Variants in OPCML observed in about 807,000 individuals in gnomAD.
The protein encoded by OPCML is opioid-binding protein/cell adhesion molecule.
In OPCML, 13 loss-of-function variants were observed where a neutral mutation model predicts 37.8. The ratio of observed to expected loss-of-function variants is 0.34; its 90% confidence interval spans 0.22 to 0.55. The LOEUF (loss-of-function observed/expected upper bound fraction) is 0.55. OPCML is among the 20% of genes least tolerant of loss of function. The probability of loss-of-function intolerance (pLI) is 0.91; values close to 1 mark genes in which losing one functional copy is unlikely to be tolerated. For synonymous variants in OPCML, 176 were observed against 168.8 expected (o/e 1.04, Z -0.33); for missense variants, 341 against 435.6 (o/e 0.78, Z 1.93).
At chr11:132,524,293 C>A (rs534367037) in intron 4 of OPCML, among the ~76,000 whole-genome samples, 1 of 152,152 alleles carries the variant, frequency 6.6e-6, no homozygotes, top group Non-Finnish European at 1.5e-5. Context: ...TTCCAATACA[C>A]CTTGCTTGCT....
At chr11:133,420,279 G>A (rs1945860234) in intron 1 of OPCML, 1 of 985,146 alleles carries the variant, frequency 1.0e-6, no homozygotes, top group Non-Finnish European at 1.2e-6. Flanking sequence ...AGATACTCCT[G>A]AACGTCTTTG....
intron 1 of OPCML, among the ~76,000 whole-genome samples, chr11:132,974,456 C>T (rs1265402828): frequency 1.3e-5 from 2 of 152,142 alleles, no homozygotes; most frequent in East Asian, 1.9e-4. Flanking sequence ...AATGAGATAC[C>T]ATCTCATGCC....
At chr11:133,423,813 G>A (rs747103156) in intron 1 of OPCML, among the ~76,000 whole-genome samples, 3 of 152,130 alleles carry the variant, frequency 2.0e-5, no homozygotes, top group African/African-American at 4.8e-5. Flanking sequence ...AGTAATGAGT[G>A]GTAATGAGTT....
At chr11:133,446,324 GCAGGGTTTT>G (rs1427410320) in intron 1 of OPCML, among the ~76,000 whole-genome samples, 1 of 152,142 alleles carries the variant, frequency 6.6e-6, no homozygotes, top group African/African-American at 2.4e-5. Flanking sequence ...TTAGATATTT[GCAGGGTTTT>G]AAAAAATTCC....
chr11:133,176,373 C>T (rs73596471), intron 1 of OPCML, among the ~76,000 whole-genome samples: 2,918 of 139,770 alleles, frequency 0.021, 99 homozygotes, highest in African/African-American at 0.072. Flanking sequence ...ACTATTTCAA[C>T]ATGAGATTTT....
At chr11:133,164,531 C>A (rs147227496) in intron 1 of OPCML, among the ~76,000 whole-genome samples, 8 of 152,324 alleles carry the variant, frequency 5.3e-5, no homozygotes, top group Admixed American at 3.3e-4. Context: ...CAGGTGCCAT[C>A]ACTCGAGACC....
chr11:132,605,085 C>T (rs975442394), intron 3 of OPCML, among the ~76,000 whole-genome samples: 6 of 152,156 alleles, frequency 3.9e-5, no homozygotes, highest in Admixed American at 2.0e-4. Context: ...CAGTCACACG[C>T]CAGCTGTGTG....
At chr11:132,520,014 C>T (rs1434678983) in intron 4 of OPCML, among the ~76,000 whole-genome samples, 1 of 152,162 alleles carries the variant, frequency 6.6e-6, no homozygotes, top group East Asian at 1.9e-4. Flanking sequence ...CAGGGACCTA[C>T]AGCGGACAAT....
chr11:133,079,772 G>C (rs1458121320), intron 1 of OPCML, among the ~76,000 whole-genome samples: 2 of 152,020 alleles, frequency 1.3e-5, no homozygotes, highest in African/African-American at 4.8e-5. Context: ...GTGAGAGGAA[G>C]GACCTATATG....
chr11:132,566,937 C>T (rs1242048499), intron 3 of OPCML, among the ~76,000 whole-genome samples: 2 of 126,266 alleles, frequency 1.6e-5, no homozygotes, highest in Non-Finnish European at 3.2e-5. Flanking sequence ...AAAGAGAACA[C>T]GGTGCATACG....
intron 2 of OPCML, among the ~76,000 whole-genome samples, chr11:132,708,060 A>G (rs1944106173): frequency 6.6e-6 from 1 of 152,194 alleles, no homozygotes; most frequent in Non-Finnish European, 1.5e-5. Context: ...TCAACTGTTG[A>G]GTTGTGTCAT....
intron 2 of OPCML, among the ~76,000 whole-genome samples, chr11:132,756,294 A>T (rs1020863210): frequency 2.0e-5 from 3 of 152,192 alleles, no homozygotes; most frequent in African/African-American, 4.8e-5. Context: ...TGGGGCACCA[A>T]GGGAGAAGTG....
chr11:133,300,649 A>G (rs1176271800), intron 1 of OPCML: 1 of 152,164 alleles, frequency 6.6e-6, no homozygotes, highest in Admixed American at 6.5e-5. Context: ...TTTCCCTAGA[A>G]TTTGTAAACA....
intron 3 of OPCML, among the ~76,000 whole-genome samples, chr11:132,637,706 A>T (rs1483949391): frequency 5.3e-5 from 8 of 152,096 alleles, no homozygotes; most frequent in African/African-American, 1.9e-4. Flanking sequence ...TCCCTCAGGC[A>T]TTAATTAAGT....
intron 1 of OPCML, among the ~76,000 whole-genome samples, chr11:133,371,005 C>A (rs760309768): frequency 6.6e-6 from 1 of 152,048 alleles, no homozygotes; most frequent in Non-Finnish European, 1.5e-5. Flanking sequence ...AAAAAGTGGA[C>A]AAAGGACATG....
At chr11:133,478,832 AT>A (rs11409105) in intron 1 of OPCML, among the ~76,000 whole-genome samples, 7,136 of 146,258 alleles carry the variant, frequency 0.049, 268 homozygotes, top group South Asian at 0.12. Flanking sequence ...TGCTGTAACC[AT>A]TTTTTTTTTT....
chr11:132,948,180 G>T (rs1003903397), intron 1 of OPCML, among the ~76,000 whole-genome samples: 2 of 152,198 alleles, frequency 1.3e-5, no homozygotes, highest in African/African-American at 4.8e-5. Context: ...ACACAGAGAC[G>T]ACTGCCTTGA....
At chr11:132,942,839 C>T (rs927860192) in intron 2 of OPCML, 87 bp downstream of exon 2, 14 of 1,548,550 alleles carry the variant, frequency 9.0e-6, no homozygotes, top group Non-Finnish European at 1.2e-5. Context: ...GTTCCGGTCC[C>T]CCATGGAGCC....
intron 1 of OPCML, among the ~76,000 whole-genome samples, chr11:133,115,332 G>A (rs1949315344): frequency 6.6e-6 from 1 of 152,164 alleles, no homozygotes; most frequent in Non-Finnish European, 1.5e-5. Flanking sequence ...CAAAGCCCTT[G>A]GCAAGCCCAC....
Sources: gnomAD v4.1 joint callset for allele counts (sites outside exome capture counted in the v4.1 genomes callset) on GRCh38, gnomAD v4.1.1 for gene constraint, MANE v1.5 for transcripts, NCBI Gene and HGNC (gene_info 2026-07-23, HGNC 2026-07-21) for gene names.